SPAG16: variants seen among roughly 807,000 people sequenced by gnomAD.
SPAG16 encodes the protein sperm associated antigen 16.
A neutral mutation model predicts 80.4 loss-of-function variants in SPAG16; 86 were observed. That is an observed-to-expected ratio of 1.07 (90% confidence interval 0.90 to 1.28). The LOEUF is 1.28. Ranked by LOEUF, SPAG16 falls within the 50% of genes most tolerant of loss-of-function variation. The probability of loss-of-function intolerance (pLI) is 0.00; values close to 1 mark genes in which losing one functional copy is unlikely to be tolerated. For missense variants in SPAG16, 870 were observed against 765.3 expected (o/e 1.14, Z -1.61); for synonymous variants, 294 against 265.9 (o/e 1.11, Z -1.03).
intron 10 of SPAG16, among the ~76,000 whole-genome samples, chr2:213,688,561 G>A (rs1318047641): frequency 3.3e-5 from 5 of 152,108 alleles, no homozygotes; most frequent in Admixed American, 1.3e-4. Flanking sequence ...AGTAAGTCAC[G>A]ATATATAGGG....
intron 9 of SPAG16, among the ~76,000 whole-genome samples, chr2:213,377,709 G>A (rs10191191): frequency 0.22 from 33,342 of 151,678 alleles, 4,505 homozygotes; most frequent in Non-Finnish European, 0.31. Flanking sequence ...TAACTGGCAA[G>A]GTTGAAGGTG....
intron 14 of SPAG16, among the ~76,000 whole-genome samples, chr2:214,142,205 C>T (rs955413091): frequency 2.0e-5 from 3 of 152,122 alleles, no homozygotes; most frequent in Non-Finnish European, 4.4e-5. Flanking sequence ...TCTTCAATGA[C>T]TAACATTTTA....
intron 10 of SPAG16, among the ~76,000 whole-genome samples, chr2:213,522,460 G>C (rs1263465411): frequency 1.3e-5 from 2 of 152,170 alleles, no homozygotes; most frequent in African/African-American, 4.8e-5. Context: ...AGGGAAAAGT[G>C]GACAAAGCCT....
rs975021781 is a variant in SPAG16, at chr2:213,679,604, C to T, written c.1071-182881C>T. Among the ~76,000 whole-genome samples the T allele has an allele frequency of 5.3e-5, 8 of 152,254 alleles. No individual in the cohort carries two copies. The East Asian group carries it at 1.2e-3, about 22-fold the overall frequency. On this transcript the variant is annotated intron_variant, in intron 10 of 15. Transcript: ENST00000331683. ...TGTTCTAACTGTATTTCACAATTCCCTGTTGCTCCGGTGATTTATGTGTTT... is the reference window on the plus strand; with the variant it reads ...TGTTCTAACTGTATTTCACAATTCCTTGTTGCTCCGGTGATTTATGTGTTT...
intron 13 of SPAG16, among the ~76,000 whole-genome samples, chr2:214,058,817 C>A (rs1441830444): frequency 2.6e-5 from 4 of 151,940 alleles, no homozygotes; most frequent in Non-Finnish European, 5.9e-5. Flanking sequence ...CATTACAAAC[C>A]AGAAATTTCC....
At chr2:213,544,696 C>G (rs981520848) in intron 10 of SPAG16, among the ~76,000 whole-genome samples, 2 of 152,066 alleles carry the variant, frequency 1.3e-5, no homozygotes, top group East Asian at 3.9e-4. Context: ...CCCCTCGTAC[C>G]CCTGGCAAAC....
intron 10 of SPAG16, among the ~76,000 whole-genome samples, chr2:213,689,117 G>C (rs955882926): frequency 6.6e-6 from 1 of 152,074 alleles, no homozygotes; most frequent in Non-Finnish European, 1.5e-5. Context: ...CTGCCACGGT[G>C]CCTGGTTAGT....
chr2:214,187,687 C>T (rs528896958), intron 15 of SPAG16, among the ~76,000 whole-genome samples: 1 of 149,328 alleles, frequency 6.7e-6, no homozygotes, highest in East Asian at 2.0e-4. Flanking sequence ...TCTGCCATAA[C>T]AAACCTCAGG....
chr2:213,357,710 A>T (rs1294995792), intron 7 of SPAG16, among the ~76,000 whole-genome samples: 6 of 152,134 alleles, frequency 3.9e-5, no homozygotes, highest in Admixed American at 2.0e-4. Context: ...CTGTTAATCC[A>T]GTTTGCCAGT....
intron 11 of SPAG16, among the ~76,000 whole-genome samples, chr2:213,878,044 A>G (rs1245995214): frequency 2.0e-5 from 3 of 152,194 alleles, no homozygotes; most frequent in African/African-American, 4.8e-5. Flanking sequence ...TGTCTTTGCC[A>G]TAGTAGCTGA....
At chr2:213,932,706 T>G (rs963650567) in intron 12 of SPAG16, among the ~76,000 whole-genome samples, 2 of 152,150 alleles carry the variant, frequency 1.3e-5, no homozygotes, top group Non-Finnish European at 2.9e-5. Flanking sequence ...GGTAAGACCA[T>G]CCATTTAGTT....
intron 12 of SPAG16, among the ~76,000 whole-genome samples, chr2:214,012,421 G>A (rs536946993): frequency 2.7e-5 from 4 of 150,206 alleles, no homozygotes; most frequent in Non-Finnish European, 3.0e-5. Flanking sequence ...TCAGCCTCCC[G>A]AGTAGCTGGG....
chr2:213,286,196 A>G (rs1179870580), intron 1 of SPAG16, among the ~76,000 whole-genome samples: 1 of 152,190 alleles, frequency 6.6e-6, no homozygotes, highest in East Asian at 1.9e-4. Flanking sequence ...ACTTTAACAC[A>G]TATAAGCAAC....
At chr2:213,589,377 A>T (rs1286899384) in intron 10 of SPAG16, among the ~76,000 whole-genome samples, 1 of 152,220 alleles carries the variant, frequency 6.6e-6, no homozygotes, top group Non-Finnish European at 1.5e-5. Context: ...TTTATTGATA[A>T]ATGGAAAGTG....
At chr2:213,735,300 G>A (rs914286255) in intron 10 of SPAG16, among the ~76,000 whole-genome samples, 6 of 152,276 alleles carry the variant, frequency 3.9e-5, no homozygotes, top group African/African-American at 1.4e-4. Context: ...TAAACTCAAA[G>A]TTCCTCAATT....
At chr2:213,473,293 C>G (rs1175038325) in intron 9 of SPAG16, among the ~76,000 whole-genome samples, 2 of 152,204 alleles carry the variant, frequency 1.3e-5, no homozygotes, top group African/African-American at 4.8e-5. Context: ...AGTGTCGCCA[C>G]TTGGTCCCTG....
chr2:213,852,206 G>A (rs1314494601), intron 10 of SPAG16, among the ~76,000 whole-genome samples: 1 of 152,192 alleles, frequency 6.6e-6, no homozygotes, highest in African/African-American at 2.4e-5. Flanking sequence ...ATATACAAAA[G>A]CGGCATCTGC....
intron 15 of SPAG16, among the ~76,000 whole-genome samples, chr2:214,278,516 G>T (rs1024304914): frequency 6.6e-6 from 1 of 152,148 alleles, no homozygotes; most frequent in Admixed American, 6.5e-5. Context: ...TGGAGGAACT[G>T]TATCATACAG....
intron 12 of SPAG16, among the ~76,000 whole-genome samples, chr2:213,940,461 T>C (rs1470607778): frequency 6.6e-6 from 1 of 152,002 alleles, no homozygotes; most frequent in Non-Finnish European, 1.5e-5. Context: ...TAATTATATA[T>C]TTATTTTTAT....
Sources: allele counts gnomAD v4.1 joint callset (sites outside exome capture counted in the v4.1 genomes callset), GRCh38; gene constraint gnomAD v4.1.1; transcripts MANE v1.5; gene names NCBI Gene and HGNC (gene_info 2026-07-23, HGNC 2026-07-21).